The following DHX29 variants were observed in gnomAD, a reference collection of about 807,000 sequenced individuals.
DHX29 encodes ATP-dependent RNA helicase DHX29.
In DHX29, 79 loss-of-function variants were observed where a neutral mutation model predicts 167.9. That is an observed-to-expected ratio of 0.47 (90% confidence interval 0.39 to 0.57). DHX29 has a LOEUF of 0.57. Ranked by LOEUF, DHX29 falls within the 20% of genes least tolerant of loss-of-function variation. DHX29 has a pLI of 0.00. For synonymous variants in DHX29, 530 were observed against 546.0 expected, an observed-to-expected ratio of 0.97 and a Z score of 0.41; for missense variants, 1,347 against 1,593.4, an observed-to-expected ratio of 0.85 and a Z score of 2.63.
chr5:55,305,177 C>T (rs571810234), intron 1 of DHX29, among the ~76,000 whole-genome samples: 1 of 152,308 alleles, frequency 6.6e-6, no homozygotes, highest in South Asian at 2.1e-4. Context: ...TAATTCTTTA[C>T]ATATCATAAG....
At chr5:55,295,599 T>C in intron 4 of DHX29, 75 bp from the exon 5 acceptor site, 4 of 1,484,070 alleles carry the variant, frequency 2.7e-6, no homozygotes, top group Non-Finnish European at 3.7e-6. Flanking sequence ...TGTTAAGCAT[T>C]TGTAAACCTT....
rs769356601 is a variant in DHX29 at position 55,297,363 on chromosome 5, A to T, written c.297T>A (p.Ile99=). ...VINNKLEQRI[I]GVINEHKKQN... Reference sequence around the variant, plus strand: ...GCTTTTTATGCTCATTGATCACTCCAATAATTCTTTGCTCTAGTTTGTTAT... The same window carrying T: ...GCTTTTTATGCTCATTGATCACTCCTATAATTCTTTGCTCTAGTTTGTTAT... The change falls in exon 3 of 27, where the codon ATT becomes ATA. Residue 99 remains isoleucine (I), a synonymous_variant. Transcript: ENST00000251636. 26 of 1,575,346 alleles carry T rather than the reference A, an allele frequency of 1.7e-5. No homozygotes were observed. The highest frequency in any genetic ancestry group is 2.3e-5 in the Non-Finnish European group (26 of 1,146,788).
rs754196376 is a variant in DHX29 at position 55,283,678 on chromosome 5, T to C, written c.1490A>G (p.Asn497Ser). The change falls in exon 11 of 27, where the codon AAT becomes AGT. Residue 497 changes from asparagine to serine, a missense_variant. Transcript: ENST00000251636. ...PRDLFIAKLL[N>S]KLKQQQQQQQ... ...CTGCTGTTGCTGCTGTTTCAGTTTA[T>C]TCAGAAGTTTGGCAATAAAAAGATC... 1.6e-5 allele frequency: 26 copies of C among 1,614,082 alleles called. No individual in the cohort carries two copies. The highest frequency in any genetic ancestry group is 1.5e-4 in the Admixed American group (9 of 60,006).
Position 55,294,158 on chromosome 5 carries a change from A to G in DHX29, c.652-13T>C, listed in dbSNP as rs1235205409. On this transcript the variant is annotated splice_polypyrimidine_tract_variant and intron_variant, in intron 5 of 26. Transcript: ENST00000251636. ...CTTCCTTTTTTGGCTAGAAAGAGAA[A>G]ACAAATATCTGAAAAACCAAAGTTA... 3 of 1,568,616 alleles carry G rather than the reference A, an allele frequency of 1.9e-6. No individual in the cohort carries two copies. The highest frequency in any genetic ancestry group is 2.6e-6 in the Non-Finnish European group (3 of 1,164,674).
chr5:55,265,224 T>G (rs1227501778), intron 23 of DHX29, among the ~76,000 whole-genome samples: 1 of 145,242 alleles, frequency 6.9e-6, no homozygotes, highest in Non-Finnish European at 1.5e-5. Flanking sequence ...ATATCCAGAC[T>G]CTAATGAAAC....
intron 1 of DHX29, among the ~76,000 whole-genome samples, chr5:55,305,238 T>C (rs1351790219): frequency 6.6e-6 from 1 of 152,198 alleles, no homozygotes; most frequent in East Asian, 1.9e-4. Context: ...GATACGTCAG[T>C]TGTGAATAGC....
rs1361511626 is a variant in DHX29, at chr5:55,279,409, T to C, written c.2109+1963A>G. ...AGTTCTGGAGACGGTATCTAGACGG[T>C]AGCTAGATATTTAAGTCTGATGCTC... is the stretch of plus-strand genomic sequence containing the variant. On this transcript the variant is annotated intron_variant, in intron 12 of 26. Coordinates refer to ENST00000251636, the MANE Select transcript of DHX29 (RefSeq NM_019030.4). 2.0e-5 allele frequency: 3 copies of C among 152,108 alleles called. No individual in the cohort carries two copies. The East Asian group carries it at 5.8e-4, about 29-fold the overall frequency. The allele number at this position is 152,108 out of a possible 1,614,324, so 9.4% of individuals were successfully genotyped here.
chr5:55,283,007 T>C (rs1579788373), intron 11 of DHX29, 196 bp downstream of exon 11: 1 of 440,802 alleles, frequency 2.3e-6, no homozygotes, highest in Admixed American at 3.8e-5. Flanking sequence ...GACAGAACTC[T>C]ACTGATAATC....
At chr5:55,273,647 ACT>A (rs1170364930) in intron 16 of DHX29, among the ~76,000 whole-genome samples, 1 of 152,154 alleles carries the variant, frequency 6.6e-6, no homozygotes, top group African/African-American at 2.4e-5. Context: ...GTAGTAATAA[ACT>A]CTATCAAAAC....
At chr5:55,273,159 G>T in intron 17 of DHX29, 134 bp downstream of exon 17, 2 of 840,344 alleles carry the variant, frequency 2.4e-6, no homozygotes, top group Non-Finnish European at 3.4e-6. Flanking sequence ...ATGGCAAGGT[G>T]CAGAACACTT....
intron 1 of DHX29, among the ~76,000 whole-genome samples, chr5:55,301,477 G>T (rs1323485341): frequency 1.3e-5 from 2 of 152,106 alleles, no homozygotes; most frequent in Admixed American, 1.3e-4. Flanking sequence ...ACTTTGGGAG[G>T]CCAAGGCAGG....
chr5:55,304,592 G>A (rs992726742), intron 1 of DHX29, among the ~76,000 whole-genome samples: 1 of 151,858 alleles, frequency 6.6e-6, no homozygotes, highest in African/African-American at 2.4e-5. Flanking sequence ...GAGCCACTGC[G>A]CCTAGCCACC....
In DHX29 at chr5:55,267,707, G is replaced by T; in HGVS notation, c.3410C>A (p.Thr1137Lys). The T allele has an allele frequency of 1.3e-6, 2 of 1,596,708 alleles. No individual in the cohort carries two copies. The highest frequency in any genetic ancestry group is 1.7e-6 in the Non-Finnish European group (2 of 1,171,798). The change falls in exon 22 of 27, where the codon ACG (threonine) becomes AAG (lysine). Residue 1137 changes from threonine (T) to lysine (K), a missense_variant. Transcript: ENST00000251636. ...TTACCCTAGATATGCATTGTAGATC[G>T]TCAGGTGGTCTGAATCCGCCATGGC... is the stretch of plus-strand genomic sequence containing the variant. ...ALAMADSDHL[T>K]IYNAYLGWKK... is the part of the protein sequence containing the mutation.
At chr5:55,276,232 T>C (rs780650205) in intron 14 of DHX29, 34 bp downstream of exon 14, 14 of 1,516,440 alleles carry the variant, frequency 9.2e-6, no homozygotes, top group African/African-American at 1.4e-5. Flanking sequence ...CTGGATATCA[T>C]TATCTGATAT....
rs1347081581 is a variant in DHX29, at chr5:55,294,095, T to C, written c.702A>G (p.Leu234=). ...NMEVNMKEWI[L]RYAEQQNEEE... is the part of the protein sequence containing the mutation. ...CTTCATTTTGTTGTTCAGCATATCG[T>C]AAAATCCACTCTTTCATATTTACTT... The change falls in exon 6 of 27, where the codon TTA becomes TTG. Residue 234 remains leucine, a synonymous_variant. Transcript: ENST00000251636. 6.2e-6 allele frequency: 10 copies of C among 1,606,022 alleles called. No individual in the cohort carries two copies. Among genetic ancestry groups the C allele is most frequent in the Non-Finnish European group, 8.5e-6 (10 of 1,176,640 alleles).
intron 1 of DHX29, among the ~76,000 whole-genome samples, chr5:55,300,561 T>C (rs1475981984): frequency 6.6e-6 from 1 of 152,006 alleles, no homozygotes; most frequent in Non-Finnish European, 1.5e-5. Context: ...TAATCCCAGC[T>C]ACTTGGGAAG....
At chr5:55,290,559 CT>C (rs1174803810) in intron 6 of DHX29, among the ~76,000 whole-genome samples, 1 of 152,148 alleles carries the variant, frequency 6.6e-6, no homozygotes, top group East Asian at 1.9e-4. Flanking sequence ...AAAAGAAAAA[CT>C]GGAAATCATA....
intron 3 of DHX29, among the ~76,000 whole-genome samples, chr5:55,296,707 A>G (rs1748340980): frequency 6.6e-6 from 1 of 152,230 alleles, no homozygotes. Flanking sequence ...GAATAGTTAC[A>G]TAATATTCCA....
In DHX29 at chr5:55,267,780, T is replaced by G; in HGVS notation, c.3337A>C (p.Thr1113Pro). 6.2e-7 allele frequency: 1 copy of G among 1,606,568 alleles called. No homozygotes were observed. Among genetic ancestry groups the G allele is most frequent in the Non-Finnish European group, 8.5e-7 (1 of 1,175,980 alleles). Residue 1113 changes from threonine to proline, a missense_variant, in exon 22 of 27, where the codon ACA (threonine) becomes CCA (proline). Thr to Pro is a conservative substitution (Grantham distance 38). Around this residue, in one of 3 missense-constraint regions of DHX29, gnomAD observed 882 missense variants for 1,082.4 expected, o/e 0.81. Coordinates refer to ENST00000251636, the MANE Select transcript of DHX29 (RefSeq NM_019030.4). ...GCTTCATCTTTTCGACCAATTGGTG[T>G]GGTAAAAGGAGACTTCTCTGTCATA... is the stretch of plus-strand genomic sequence containing the variant. Reference protein sequence around the residue: ...AVMTEKSPFTTPIGRKDEADL... With the variant: ...AVMTEKSPFTPPIGRKDEADL...
Sources: gnomAD v4.1 joint callset for allele counts (sites outside exome capture counted in the v4.1 genomes callset) on GRCh38, gnomAD v4.1.1 for gene constraint, gnomAD v4.1.1 regional missense constraint, MANE v1.5 for transcripts, NCBI Gene and HGNC (gene_info 2026-07-23, HGNC 2026-07-21) for gene names.